Variants in ERICH3 observed in about 807,000 individuals in gnomAD.
ERICH3 encodes glutamate rich 3, also known as glutamate-rich protein 3.
In ERICH3, 126 loss-of-function variants were observed where a neutral mutation model predicts 131.1. That is an observed-to-expected ratio of 0.96 (90% CI 0.83 to 1.11). ERICH3 has a LOEUF of 1.11. ERICH3 is among the 50% of genes most tolerant of loss of function. The pLI is 0.00. For synonymous variants in ERICH3, 695 were observed against 644.6 expected (o/e 1.08, Z -1.18); for missense variants, 2,050 against 1,810.7 (o/e 1.13, Z -2.40).
intron 8 of ERICH3, among the ~76,000 whole-genome samples, chr1:74,613,975 A>G (rs2100599555): frequency 6.6e-6 from 1 of 152,338 alleles, no homozygotes; most frequent in Admixed American, 6.5e-5. Context: ...TGTTGCATTT[A>G]CTACAATAGA....
At position 74,571,420 on chromosome 1, in the gene ERICH3, C is replaced by A. The variant is rs776953326; in HGVS notation, c.4290G>T (p.Gly1430=). Residue 1430 remains glycine (G), a synonymous_variant, in exon 14 of 15, where the codon GGG becomes GGT. Transcript: ENST00000326665. ...EMTVTYTTEA[G]VGTPGALERK... ...GCTCCAGGGCTCCTGGAGTGCCCAC[C>A]CCAGCCTCTGTTGTATATGTCACTG... is the stretch of plus-strand genomic sequence containing the variant. 1.2e-6 allele frequency: 2 copies of A among 1,613,992 alleles called. No homozygotes were observed. The highest frequency in any genetic ancestry group is 1.7e-5 in the Admixed American group (1 of 60,000).
At chr1:74,620,056 A>G (rs536745508) in intron 8 of ERICH3, among the ~76,000 whole-genome samples, 7 of 152,200 alleles carry the variant, frequency 4.6e-5, no homozygotes, top group Non-Finnish European at 7.3e-5. Context: ...TAAAAATGCT[A>G]TTACTTTTTG....
chr1:74,654,252 C>A (rs1646563113), intron 1 of ERICH3, among the ~76,000 whole-genome samples: 1 of 152,036 alleles, frequency 6.6e-6, no homozygotes, highest in Non-Finnish European at 1.5e-5. Context: ...GCTCTTCCAG[C>A]CTCCACCTAT....
intron 1 of ERICH3, among the ~76,000 whole-genome samples, chr1:74,667,058 T>C (rs2100659769): frequency 6.6e-6 from 1 of 152,180 alleles, no homozygotes; most frequent in Admixed American, 6.5e-5. Flanking sequence ...AAAAGTAAAA[T>C]TAATGAAATA....
At chr1:74,573,592 T>C in intron 13 of ERICH3, 101 bp from the exon 14 acceptor site, 1 of 1,277,654 alleles carries the variant, frequency 7.8e-7, no homozygotes, top group Non-Finnish European at 1.0e-6. Context: ...GTGAGATATT[T>C]ATATGTGATA....
At chr1:74,621,087 T>G (rs1019010725) in intron 7 of ERICH3, among the ~76,000 whole-genome samples, 173 bp from the exon 8 acceptor site, 1 of 152,158 alleles carries the variant, frequency 6.6e-6, no homozygotes, top group Non-Finnish European at 1.5e-5. Context: ...GCAAAATAAA[T>G]CCTCCTAAAT....
chr1:74,636,387 A>G lies in ERICH3; in HGVS notation c.496T>C (p.Leu166=). Residue 166 remains leucine, a synonymous_variant, in exon 6 of 15, where the codon TTA becomes CTA. Coordinates refer to ENST00000326665, the MANE Select transcript of ERICH3 (RefSeq NM_001002912.5). ...APGNMQPPIR[L]QPLPSNPAVE... ...GCAGGATTACTGGGAAGAGGCTGTA[A>G]TCGAATTGGAGGCTGCATATTTCCT... 1 of 1,613,088 alleles carries G rather than the reference A, an allele frequency of 6.2e-7. No homozygotes were observed. The highest frequency in any genetic ancestry group is 1.1e-5 in the South Asian group (1 of 90,994).
At chr1:74,658,193 T>C (rs1445798624) in intron 1 of ERICH3, among the ~76,000 whole-genome samples, 1 of 152,154 alleles carries the variant, frequency 6.6e-6, no homozygotes, top group Non-Finnish European at 1.5e-5. Flanking sequence ...AAACTGAATG[T>C]TCTCTATGAG....
chr1:74,651,574 A>T (rs1367198171), intron 1 of ERICH3, among the ~76,000 whole-genome samples: 1 of 152,142 alleles, frequency 6.6e-6, no homozygotes, highest in African/African-American at 2.4e-5. Flanking sequence ...TCAGCTCCTC[A>T]TTTCAGAAAG....
At chr1:74,600,758 G>C (rs576301775) in intron 10 of ERICH3, among the ~76,000 whole-genome samples, 2 of 151,914 alleles carry the variant, frequency 1.3e-5, no homozygotes, top group South Asian at 4.2e-4. Flanking sequence ...ATCTTGAAGT[G>C]ACAACATGCC....
intron 3 of ERICH3, among the ~76,000 whole-genome samples, chr1:74,645,012 T>A (rs1372039057): frequency 2.0e-5 from 3 of 151,988 alleles, no homozygotes; most frequent in Non-Finnish European, 4.4e-5. Flanking sequence ...ATCTACTATG[T>A]CCTTTCACAC....
At chr1:74,632,077 A>T in intron 6 of ERICH3, 149 bp from the exon 7 acceptor site, 1 of 680,316 alleles carries the variant, frequency 1.5e-6, no homozygotes, top group East Asian at 2.7e-5. Context: ...AGTCTGCTGA[A>T]AAATGACACT....
In ERICH3 at chr1:74,571,535, T is replaced by C. The variant is rs1355091212; in HGVS notation, c.4175A>G (p.Glu1392Gly). ...TGCAGCTGCTGTTTTTCCTACTAAC[T>C]CATCCTGTTGGTGCCAGGTTTCTTC... ...AEEETWHQQD[E>G]LVGKTAAAGK... The change falls in exon 14 of 15, where the codon GAG becomes GGG. Residue 1392 changes from glutamate to glycine, a missense_variant. Transcript: ENST00000326665. 1.2e-6 allele frequency: 2 copies of C among 1,614,134 alleles called. No individual in the cohort carries two copies. Among genetic ancestry groups the C allele is most frequent in the Non-Finnish European group, 1.7e-6 (2 of 1,180,006 alleles).
At chr1:74,599,307 T>C (rs1248450647) in intron 11 of ERICH3, among the ~76,000 whole-genome samples, 2 of 151,940 alleles carry the variant, frequency 1.3e-5, no homozygotes, top group Admixed American at 6.6e-5. Context: ...ATTAGGTTTT[T>C]GAAGCTGCAT....
intron 9 of ERICH3, among the ~76,000 whole-genome samples, chr1:74,609,185 T>C (rs780784420): frequency 1.3e-5 from 2 of 152,062 alleles, no homozygotes; most frequent in South Asian, 4.1e-4. Flanking sequence ...ACAGTTCCTA[T>C]AATTGAGAGA....
At chr1:74,648,141 A>G (rs1361200249) in intron 2 of ERICH3, among the ~76,000 whole-genome samples, 7 of 152,160 alleles carry the variant, frequency 4.6e-5, no homozygotes, top group African/African-American at 1.2e-4. Flanking sequence ...CTCTAGAGAA[A>G]GGCCTGCATC....
rs768861208 is a variant in ERICH3 at position 74,589,760 on chromosome 1, C to T, written c.2047G>A (p.Gly683Ser). The change falls in exon 12 of 15, where the codon GGT (glycine) becomes AGT (serine). Residue 683 changes from glycine to serine, a missense_variant. Coordinates refer to ENST00000326665, the MANE Select transcript of ERICH3 (RefSeq NM_001002912.5). ...TGTTTCCCGGACTTCTCAGATAAACCCTCTGCAATCTCTTGGGTTCCTTTC... is the reference window on the plus strand; with the variant it reads ...TGTTTCCCGGACTTCTCAGATAAACTCTCTGCAATCTCTTGGGTTCCTTTC... Reference protein sequence around the residue: ...TEKGTQEIAEGLSEKSGKHVS... With the variant: ...TEKGTQEIAESLSEKSGKHVS... The T allele has an allele frequency of 2.5e-6, 4 of 1,614,062 alleles. No homozygotes were observed. The highest frequency in any genetic ancestry group is 3.4e-6 in the Non-Finnish European group (4 of 1,179,990).
rs1479691928 is a variant in ERICH3, at chr1:74,569,203, T to C, written c.*1255A>G. On this transcript the variant is annotated 3_prime_UTR_variant, in exon 15 of 15. Transcript: ENST00000326665. ...AAAGTTAAAAATATATATATACTGA[T>C]GTGTAGATCCATCTAAAACGAATTA... 1 of 152,060 alleles carries C rather than the reference T, an allele frequency of 6.6e-6. No homozygotes were observed. Among genetic ancestry groups the C allele is most frequent in the African/African-American group, 2.4e-5 (1 of 41,376 alleles). The allele number at this position is 152,060 out of a possible 1,614,324, so 9.4% of individuals were successfully genotyped here. A position where few individuals can be genotyped will look rare whatever the true frequency, so the allele number is the denominator to read the frequency against.
intron 7 of ERICH3, among the ~76,000 whole-genome samples, chr1:74,628,425 CAGT>C (rs1649485614): frequency 6.6e-6 from 1 of 152,044 alleles, no homozygotes; most frequent in Non-Finnish European, 1.5e-5. Context: ...AAATACAGTA[CAGT>C]AGTATAAATG....
Sources: gnomAD v4.1 joint callset for allele counts (sites outside exome capture counted in the v4.1 genomes callset) on GRCh38, gnomAD v4.1.1 for gene constraint, MANE v1.5 for transcripts, NCBI Gene and HGNC (gene_info 2026-07-23, HGNC 2026-07-21) for gene names.